ZCCHC24: variants seen among roughly 807,000 people sequenced by gnomAD.
ZCCHC24 encodes zinc finger CCHC-type containing 24.
ZCCHC24 carries 10 observed loss-of-function variants against 26.2 expected under a neutral mutation model. That is an observed-to-expected ratio of 0.38 (90% CI 0.24 to 0.65). The LOEUF (loss-of-function observed/expected upper bound fraction) is 0.65, where lower values mean the gene tolerates loss of function less well. ZCCHC24 is among the 30% of genes least tolerant of loss of function. The pLI, the probability that ZCCHC24 is intolerant of heterozygous loss-of-function variation, is 0.54. For missense variants in ZCCHC24, 243 were observed against 329.1 expected (o/e 0.74, Z 2.03); for synonymous variants, 144 against 147.1 (o/e 0.98, Z 0.15).
At chr10:79,442,699 C>T (rs971259213) in intron 1 of ZCCHC24, among the ~76,000 whole-genome samples, 3 of 152,218 alleles carry the variant, frequency 2.0e-5, no homozygotes, top group Admixed American at 1.3e-4. Context: ...GGCCCACACA[C>T]GACTTGCTTC....
intron 2 of ZCCHC24, among the ~76,000 whole-genome samples, chr10:79,431,436 CAG>C (rs1042729079): frequency 4.6e-5 from 7 of 152,132 alleles, no homozygotes; most frequent in African/African-American, 1.7e-4. Context: ...ACTATGTATG[CAG>C]AGTCTGGGAT....
At chr10:79,421,259 A>G (rs1197412195) in intron 2 of ZCCHC24, among the ~76,000 whole-genome samples, 1 of 152,208 alleles carries the variant, frequency 6.6e-6, no homozygotes, top group Non-Finnish European at 1.5e-5. Context: ...TTCTGTGCCA[A>G]GTGCTGGAAG....
In ZCCHC24 at chr10:79,444,959, C is replaced by T. The variant is rs7072190; in HGVS notation, c.246+236G>A. 7.5e-3 allele frequency among the ~76,000 whole-genome samples: 1,149 copies of T among 152,316 alleles called. 18 individuals carry two copies. Among genetic ancestry groups the T allele is most frequent in the African/African-American group, 0.023 (939 of 41,580 alleles). On this transcript the variant is annotated intron_variant, in intron 1 of 3. Transcript: ENST00000372336. ...GCAGGGAGAGGGGGCGGGAGAGCTCCGCCCCGGCCTGCATTGCTCCAGCCC... is the reference window on the plus strand; with the variant it reads ...GCAGGGAGAGGGGGCGGGAGAGCTCTGCCCCGGCCTGCATTGCTCCAGCCC...
At position 79,409,652 on chromosome 10, in the gene ZCCHC24, G is replaced by A. The variant is rs542533270; in HGVS notation, c.448-15212C>T. On this transcript the variant is annotated intron_variant, in intron 2 of 3. Transcript: ENST00000372336. ...TAGGGGAGGTGTGGGGATGGGGCAG[G>A]CAGCGGCCTGGCAACTTCCTGGGCA... Among the ~76,000 whole-genome samples the A allele has an allele frequency of 9.8e-5, 15 of 152,316 alleles. No individual in the cohort carries two copies. The South Asian group carries it at 3.1e-3, about 32-fold the overall frequency.
intron 2 of ZCCHC24, among the ~76,000 whole-genome samples, chr10:79,417,448 G>A (rs1479511372): frequency 2.0e-5 from 3 of 152,148 alleles, no homozygotes; most frequent in African/African-American, 7.2e-5. Context: ...TTTCTGCCAG[G>A]GCTGGAGATC....
chr10:79,404,499 C>CA (rs1856681805), intron 2 of ZCCHC24, among the ~76,000 whole-genome samples: 4 of 152,238 alleles, frequency 2.6e-5, no homozygotes, highest in African/African-American at 9.6e-5. Flanking sequence ...TCCGCCACTG[C>CA]AGAGACAGGG....
intron 2 of ZCCHC24, among the ~76,000 whole-genome samples, chr10:79,407,492 G>A (rs1037518983): frequency 6.6e-6 from 1 of 152,240 alleles, no homozygotes; most frequent in Non-Finnish European, 1.5e-5. Flanking sequence ...GCACGCTGCT[G>A]CCCTGGCCCC....
At chr10:79,407,667 G>A (rs976552563) in intron 2 of ZCCHC24, among the ~76,000 whole-genome samples, 1 of 152,192 alleles carries the variant, frequency 6.6e-6, no homozygotes, top group Non-Finnish European at 1.5e-5. Context: ...CCTCCATGCT[G>A]TCCCCATCTG....
intron 1 of ZCCHC24, among the ~76,000 whole-genome samples, chr10:79,442,769 C>G (rs1459669957): frequency 6.6e-6 from 1 of 152,182 alleles, no homozygotes; most frequent in African/African-American, 2.4e-5. Flanking sequence ...GCCTTCTCAG[C>G]CAGTTGCTAT....
chr10:79,413,144 C>T (rs1169474703), intron 2 of ZCCHC24, among the ~76,000 whole-genome samples: 4 of 152,232 alleles, frequency 2.6e-5, no homozygotes, highest in East Asian at 1.9e-4. Flanking sequence ...GACCAGTGGG[C>T]GGTGGATGTG....
chr10:79,433,380 C>G (rs562856568), intron 1 of ZCCHC24, among the ~76,000 whole-genome samples: 1 of 152,332 alleles, frequency 6.6e-6, no homozygotes, highest in South Asian at 2.1e-4. Context: ...TAAACCACCT[C>G]TCTGGAAGCC....
intron 2 of ZCCHC24, among the ~76,000 whole-genome samples, chr10:79,427,293 T>G (rs930594583): frequency 1.3e-5 from 2 of 152,098 alleles, no homozygotes; most frequent in Non-Finnish European, 2.9e-5. Context: ...CTGGGCAGAA[T>G]ATCAACAAAG....
At chr10:79,418,764 T>A (rs1856899149) in intron 2 of ZCCHC24, among the ~76,000 whole-genome samples, 1 of 152,080 alleles carries the variant, frequency 6.6e-6, no homozygotes, top group South Asian at 2.1e-4. Context: ...GGGGGAAAGA[T>A]GAGAAACCTG....
At chr10:79,423,581 C>CTATATATATATTTATATATATATATA in intron 2 of ZCCHC24, among the ~76,000 whole-genome samples, 7 of 53,762 alleles carry the variant, frequency 1.3e-4, no homozygotes, top group African/African-American at 5.4e-4. Context: ...AATATATATA[C>CTATATATATATTTATATATATATATA]TATATATATA....
chr10:79,443,208 G>C (rs1285564154), intron 1 of ZCCHC24, among the ~76,000 whole-genome samples: 1 of 152,174 alleles, frequency 6.6e-6, no homozygotes. Flanking sequence ...TGACTTTATG[G>C]GGAAACTGAG....
intron 2 of ZCCHC24, among the ~76,000 whole-genome samples, chr10:79,400,667 C>T (rs1414598328): frequency 6.6e-6 from 1 of 152,220 alleles, no homozygotes; most frequent in Non-Finnish European, 1.5e-5. Flanking sequence ...AGGGGGCGCA[C>T]TGTGCTTTCC....
chr10:79,433,385 G>C (rs1857163430), intron 1 of ZCCHC24, among the ~76,000 whole-genome samples: 1 of 152,198 alleles, frequency 6.6e-6, no homozygotes, highest in Non-Finnish European at 1.5e-5. Context: ...CACCTCTCTG[G>C]AAGCCCAAGG....
At chr10:79,425,065 C>T (rs1056668358) in intron 2 of ZCCHC24, among the ~76,000 whole-genome samples, 9 of 152,202 alleles carry the variant, frequency 5.9e-5, no homozygotes, top group Non-Finnish European at 1.2e-4. Flanking sequence ...TGTCTGGAGT[C>T]CTGCTCTGTC....
chr10:79,420,218 T>A (rs2132204394), intron 2 of ZCCHC24, among the ~76,000 whole-genome samples: 1 of 152,266 alleles, frequency 6.6e-6, no homozygotes, highest in African/African-American at 2.4e-5. Flanking sequence ...GCACCCATCC[T>A]GGGCACAGCA....
Sources: gnomAD v4.1 joint callset for allele counts (sites outside exome capture counted in the v4.1 genomes callset) on GRCh38, gnomAD v4.1.1 for gene constraint, MANE v1.5 for transcripts, NCBI Gene and HGNC (gene_info 2026-07-23, HGNC 2026-07-21) for gene names.